AGBL2: variants seen among roughly 807,000 people sequenced by gnomAD.
The protein encoded by AGBL2 is AGBL carboxypeptidase 2.
In AGBL2, 87 loss-of-function variants were observed where a neutral mutation model predicts 103.0. The observed-to-expected ratio is 0.84, with a 90% CI of 0.71 to 1.01. The LOEUF is 1.01. Among genes scored for constraint, AGBL2 ranks in the 50% least tolerant of loss-of-function variants. AGBL2 has a pLI of 0.00. For synonymous variants in AGBL2, 335 were observed against 356.7 expected (o/e 0.94, Z 0.69); for missense variants, 904 against 1,023.5 (o/e 0.88, Z 1.59).
At chr11:47,671,107 C>A (rs1266537559) in intron 14 of AGBL2, among the ~76,000 whole-genome samples, 1 of 152,104 alleles carries the variant, frequency 6.6e-6, no homozygotes, top group African/African-American at 2.4e-5. Flanking sequence ...AATAATCAAA[C>A]CTTTCTTTCT....
chr11:47,700,184 C>T (rs1247612210), intron 7 of AGBL2, among the ~76,000 whole-genome samples: 3 of 151,986 alleles, frequency 2.0e-5, no homozygotes, highest in Admixed American at 6.6e-5. Context: ...CTCAAACTCT[C>T]GACCTCAGGT....
At chr11:47,677,619 A>G (rs1398260626) in intron 13 of AGBL2, among the ~76,000 whole-genome samples, 1 of 151,836 alleles carries the variant, frequency 6.6e-6, no homozygotes, top group Non-Finnish European at 1.5e-5. Context: ...ACACTCAGCT[A>G]ATTTTGTATT....
intron 4 of AGBL2, 38 bp downstream of exon 4, chr11:47,710,339 T>C (rs2097533210): frequency 6.2e-7 from 1 of 1,613,396 alleles, no homozygotes. Flanking sequence ...TACTAGGCAA[T>C]GAGGTTCTAG....
In AGBL2 at chr11:47,704,530, T is replaced by C; in HGVS notation, c.586+13A>G. 6.3e-7 allele frequency: 1 copy of C among 1,585,544 alleles called. No homozygotes were observed. Among genetic ancestry groups the C allele is most frequent in the South Asian group, 1.1e-5 (1 of 87,648 alleles). Reference sequence around the variant, plus strand: ...GGCAGAATAGCAAGACCACTGTGAGTAAGTCATATTACCAATATGATGGAT... The same window carrying C: ...GGCAGAATAGCAAGACCACTGTGAGCAAGTCATATTACCAATATGATGGAT... On this transcript the variant is annotated intron_variant, in intron 7 of 18. Transcript: ENST00000525123.
chr11:47,687,372 A>G (rs2097428115), intron 10 of AGBL2, among the ~76,000 whole-genome samples: 1 of 152,086 alleles, frequency 6.6e-6, no homozygotes, highest in African/African-American at 2.4e-5. Flanking sequence ...ACAAAAATAT[A>G]GCTCTCTACT....
chr11:47,709,121 T>TCAAAA (rs1479882660), intron 4 of AGBL2, among the ~76,000 whole-genome samples: 3 of 152,328 alleles, frequency 2.0e-5, no homozygotes, highest in East Asian at 3.9e-4. Context: ...AGACTCCGTC[T>TCAAAA]CAAAACAAAA....
At position 47,686,048 on chromosome 11, in the gene AGBL2, G is replaced by A. The variant is rs769376400; in HGVS notation, c.1633C>T (p.Leu545Phe). 1 of 1,613,614 alleles carries A rather than the reference G, an allele frequency of 6.2e-7. No individual in the cohort carries two copies. Among genetic ancestry groups the A allele is most frequent in the South Asian group, 1.1e-5 (1 of 90,896 alleles). Residue 545 changes from leucine (L) to phenylalanine (F), a missense_variant and splice_region_variant, in exon 11 of 19, where the codon CTT (leucine) becomes TTT (phenylalanine). Coordinates refer to ENST00000525123, the MANE Select transcript of AGBL2 (RefSeq NM_024783.4). ...IWYTRNMIKRLLEEREVLLYC... is the reference protein window; with the variant it reads ...IWYTRNMIKRFLEEREVLLYC... ...AACAGAACCTCTCTTTCTTCAAGAA[G>A]TCTATTGAGGGGGCAAACAAAGGAC... is the stretch of plus-strand genomic sequence containing the variant.
intron 17 of AGBL2, 60 bp downstream of exon 17, chr11:47,666,896 G>A (rs2097342647): frequency 9.5e-7 from 1 of 1,054,434 alleles, no homozygotes; most frequent in Non-Finnish European, 1.5e-6. Flanking sequence ...GTGGGAGAGA[G>A]GTGCTAATTC....
intron 17 of AGBL2, 136 bp from the exon 18 acceptor site, chr11:47,663,248 A>C (rs957841635): frequency 9.8e-6 from 6 of 614,910 alleles, no homozygotes; most frequent in Non-Finnish European, 1.7e-5. Flanking sequence ...GACAGGCAAA[A>C]CATAATTCAA....
chr11:47,662,326 A>T lies in AGBL2; in HGVS notation c.2535+700T>A, dbSNP rs1354528647. ...GTAGCTGGGGTTATAAGCATGCACC[A>T]CTACACCCAGCTAATTTTTATATTT... On this transcript the variant is annotated intron_variant, in intron 18 of 18. Transcript: ENST00000525123. Among the ~76,000 whole-genome samples the T allele has an allele frequency of 4.0e-5, 6 of 150,936 alleles. No individual in the cohort carries two copies. The Admixed American group carries it at 4.0e-4, about 10-fold the overall frequency.
intron 9 of AGBL2, 26 bp from the exon 10 acceptor site, chr11:47,690,884 C>A (rs912848297): frequency 6.4e-7 from 1 of 1,574,710 alleles, no homozygotes; most frequent in Non-Finnish European, 8.6e-7. Context: ...TAGAACAACT[C>A]TGTAAGCTTA....
chr11:47,700,368 C>T (rs867907296), intron 7 of AGBL2, among the ~76,000 whole-genome samples: 15 of 151,700 alleles, frequency 9.9e-5, no homozygotes, highest in African/African-American at 2.9e-4. Flanking sequence ...TACCTGAGGT[C>T]GGGAGTTCGA....
chr11:47,672,345 C>T (rs1033861025), intron 14 of AGBL2, among the ~76,000 whole-genome samples: 3 of 151,402 alleles, frequency 2.0e-5, no homozygotes, highest in Admixed American at 6.6e-5. Flanking sequence ...GACAGGGTCT[C>T]GCTGTGTCGC....
intron 7 of AGBL2, among the ~76,000 whole-genome samples, chr11:47,703,935 A>AC (rs1202323113): frequency 1.1e-4 from 15 of 137,346 alleles, no homozygotes; most frequent in Non-Finnish European, 2.3e-4. Flanking sequence ...CAAAAAAAAA[A>AC]AAAAACAAAA....
intron 3 of AGBL2, 86 bp downstream of exon 3, chr11:47,714,198 C>T: frequency 1.1e-6 from 1 of 939,608 alleles, no homozygotes; most frequent in Non-Finnish European, 1.7e-6. Context: ...ATTTATTAGT[C>T]TACCCAAGTG....
intron 3 of AGBL2, among the ~76,000 whole-genome samples, chr11:47,712,710 C>T (rs2097539150): frequency 6.6e-6 from 1 of 151,886 alleles, no homozygotes; most frequent in South Asian, 2.1e-4. Context: ...TCGAGAACAG[C>T]CTGGCCAACA....
chr11:47,678,535 C>T (rs1379216264), intron 13 of AGBL2, among the ~76,000 whole-genome samples: 2 of 150,014 alleles, frequency 1.3e-5, no homozygotes, highest in Admixed American at 6.7e-5. Context: ...GGGGTTTCAC[C>T]GTGTTGGTCA....
At chr11:47,668,353 C>T (rs1023585462) in intron 15 of AGBL2, among the ~76,000 whole-genome samples, 17 of 151,638 alleles carry the variant, frequency 1.1e-4, no homozygotes, top group Admixed American at 5.9e-4. Flanking sequence ...AAAAATTAGC[C>T]GGGCGTGGTG....
intron 14 of AGBL2, among the ~76,000 whole-genome samples, chr11:47,671,540 A>G (rs2097357542): frequency 6.6e-6 from 1 of 151,868 alleles, no homozygotes; most frequent in Non-Finnish European, 1.5e-5. Context: ...AAACAAACAA[A>G]CAAACAAACA....
Sources: allele counts gnomAD v4.1 joint callset (sites outside exome capture counted in the v4.1 genomes callset), GRCh38; gene constraint gnomAD v4.1.1; transcripts MANE v1.5; gene names NCBI Gene and HGNC (gene_info 2026-07-23, HGNC 2026-07-21).